The following RDX variants were observed in gnomAD, a reference collection of about 807,000 sequenced individuals.
RDX encodes the protein deafness, autosomal recessive 24.
A neutral mutation model predicts 83.7 loss-of-function variants in RDX; 32 were observed. The observed-to-expected ratio is 0.38, with a 90% CI of 0.29 to 0.51. RDX has a LOEUF of 0.51. Ranked by LOEUF, RDX falls within the 20% of genes least tolerant of loss-of-function variation. RDX has a pLI of 0.87. For synonymous variants in RDX, 229 were observed against 222.7 expected, an observed-to-expected ratio of 1.03 and a Z score of -0.25; for missense variants, 600 against 689.9, an observed-to-expected ratio of 0.87 and a Z score of 1.46.
chr11:110,221,159 GA>G (rs1395431681), intron 14 of RDX, among the ~76,000 whole-genome samples: 2 of 152,178 alleles, frequency 1.3e-5, no homozygotes, highest in Admixed American at 1.3e-4. Context: ...GACTCTTGGG[GA>G]AAAGGAATGG....
chr11:110,266,168 C>CA (rs1178264888), intron 3 of RDX, among the ~76,000 whole-genome samples: 2,261 of 124,332 alleles, frequency 0.018, 50 homozygotes, highest in African/African-American at 0.054. Flanking sequence ...ACTAAAAATA[C>CA]AAAAAAAAAA....
intron 12 of RDX, among the ~76,000 whole-genome samples, chr11:110,235,463 G>A (rs1864808922): frequency 6.6e-6 from 1 of 151,918 alleles, no homozygotes; most frequent in Admixed American, 6.6e-5. Context: ...CTCAGTTTGG[G>A]TCTTTATCTC....
At chr11:110,216,562 G>C (rs1311515953) in intron 14 of RDX, among the ~76,000 whole-genome samples, 3 of 140,462 alleles carry the variant, frequency 2.1e-5, no homozygotes, top group Non-Finnish European at 4.6e-5. Flanking sequence ...TTTTTAAATA[G>C]AGAGGAGGTC....
rs1370687727 is a variant in RDX at position 110,204,005 on chromosome 11, G to A, written c.1749-4327C>T. On this transcript the variant is annotated intron_variant, in intron 14 of 15. Coordinates refer to the RDX transcript ENST00000528498. ...TGCAGTGAGCCAAGATAACGCCACT[G>A]CACTCCAGCCTGAGTGACAGAGTGA... 1.6e-4 allele frequency among the ~76,000 whole-genome samples: 25 copies of A among 151,930 alleles called. 1 individual carries two copies. The highest frequency in any genetic ancestry group is 1.5e-5 in the Non-Finnish European group (1 of 68,006).
intron 1 of RDX, among the ~76,000 whole-genome samples, chr11:110,288,645 T>C (rs960123298): frequency 6.6e-6 from 1 of 152,194 alleles, no homozygotes; most frequent in Admixed American, 6.5e-5. Context: ...TAGACAATAT[T>C]CTCTAACACA....
At chr11:110,280,229 TG>T (rs1272078192) in intron 1 of RDX, among the ~76,000 whole-genome samples, 3 of 152,016 alleles carry the variant, frequency 2.0e-5, no homozygotes, top group African/African-American at 7.2e-5. Context: ...TACAAAAAAA[TG>T]GAAGAAACTA....
At chr11:110,215,049 AATATAT>A (rs572205859) in intron 14 of RDX, among the ~76,000 whole-genome samples, 8 of 97,230 alleles carry the variant, frequency 8.2e-5, no homozygotes, top group Admixed American at 2.2e-4. Context: ...AAAAAAAAAA[AATATAT>A]ATATATATAT....
chr11:110,277,579 CA>C lies in RDX; in HGVS notation c.12+2101del, dbSNP rs895762643. On this transcript the variant is annotated intron_variant, in intron 2 of 13. Coordinates refer to ENST00000645495, the MANE Select transcript of RDX (RefSeq NM_002906.4). Reference sequence around the variant, plus strand: ...AAGTGATACTCCCGCCTCAGTCTCCCAAAGTACTGGGATTACAGGCGTGATT... The same window carrying C: ...AAGTGATACTCCCGCCTCAGTCTCCCAAGTACTGGGATTACAGGCGTGATT... Among the ~76,000 whole-genome samples the C allele has an allele frequency of 2.6e-5, 4 of 152,166 alleles. No individual in the cohort carries two copies. The East Asian group carries it at 7.7e-4, about 29-fold the overall frequency.
intron 14 of RDX, chr11:110,199,752 G>T: frequency 1.4e-6 from 1 of 702,326 alleles, no homozygotes; most frequent in South Asian, 1.5e-5. Flanking sequence ...TGGGCAGGCT[G>T]ACTACTTGCT....
At chr11:110,253,758 A>T in intron 9 of RDX, 188 bp downstream of exon 9, 1 of 599,604 alleles carries the variant, frequency 1.7e-6, no homozygotes, top group Non-Finnish European at 2.9e-6. Context: ...GATATGTGTC[A>T]AAGATTTCTA....
intron 15 of RDX, among the ~76,000 whole-genome samples, chr11:110,178,035 T>C (rs1055821247): frequency 6.6e-6 from 1 of 152,086 alleles, no homozygotes; most frequent in Non-Finnish European, 1.5e-5. Flanking sequence ...GTCCACCATC[T>C]GCCCTCCCCA....
intron 1 of RDX, among the ~76,000 whole-genome samples, chr11:110,295,862 C>A (rs1434745969): frequency 6.6e-6 from 1 of 152,216 alleles, no homozygotes; most frequent in East Asian, 1.9e-4. Context: ...GCGGCCCTGG[C>A]CTGGCGGGTG....
At chr11:110,267,565 C>CACACACAA (rs3138554) in intron 3 of RDX, among the ~76,000 whole-genome samples, 3 of 140,770 alleles carry the variant, frequency 2.1e-5, no homozygotes, top group South Asian at 2.3e-4. Flanking sequence ...CACACACACA[C>CACACACAA]AAATAATCTT....
At chr11:110,206,982 A>T (rs201852906) in intron 14 of RDX, among the ~76,000 whole-genome samples, 281 of 121,858 alleles carry the variant, frequency 2.3e-3, no homozygotes, top group Non-Finnish European at 3.8e-3. Flanking sequence ...ATTTTATTTT[A>T]TTTTTTTTGT....
intron 13 of RDX, among the ~76,000 whole-genome samples, chr11:110,232,584 T>C (rs547155836): frequency 1.3e-5 from 2 of 152,292 alleles, no homozygotes; most frequent in South Asian, 2.1e-4. Flanking sequence ...GTCTTAAACA[T>C]AGTATATTAA....
intron 3 of RDX, among the ~76,000 whole-genome samples, chr11:110,266,010 C>A (rs1860025441): frequency 6.6e-6 from 1 of 152,024 alleles, no homozygotes; most frequent in Non-Finnish European, 1.5e-5. Context: ...GAATGATCAG[C>A]CTGTGGTAGA....
intron 2 of RDX, among the ~76,000 whole-genome samples, chr11:110,277,128 C>T (rs1043182796): frequency 6.6e-6 from 1 of 152,166 alleles, no homozygotes; most frequent in African/African-American, 2.4e-5. Context: ...ATCAACAACA[C>T]ACAATTGATA....
At chr11:110,219,393 A>G (rs1864169187) in intron 14 of RDX, among the ~76,000 whole-genome samples, 5 of 152,224 alleles carry the variant, frequency 3.3e-5, no homozygotes, top group Admixed American at 3.3e-4. Flanking sequence ...TTACTCAGAG[A>G]TGGGAAACCT....
chr11:110,242,208 T>G (rs1328786867), intron 10 of RDX, among the ~76,000 whole-genome samples: 1 of 152,094 alleles, frequency 6.6e-6, no homozygotes, highest in East Asian at 1.9e-4. Context: ...ATCCCAGCAC[T>G]TTGGGAAGCC....
Sources: allele counts gnomAD v4.1 joint callset (sites outside exome capture counted in the v4.1 genomes callset), GRCh38; gene constraint gnomAD v4.1.1; transcripts MANE v1.5; gene names NCBI Gene and HGNC (gene_info 2026-07-23, HGNC 2026-07-21).